The following PACSIN2 variants were observed in gnomAD, a reference collection of about 807,000 sequenced individuals.
PACSIN2 encodes the protein protein kinase C and casein kinase substrate in neurons 2.
In PACSIN2, 25 loss-of-function variants were observed where a neutral mutation model predicts 63.8. The observed-to-expected ratio is 0.39, with a 90% CI of 0.29 to 0.55. The LOEUF is 0.55. PACSIN2 is among the 20% of genes least tolerant of loss of function. The probability of loss-of-function intolerance (pLI) is 0.62; values close to 1 mark genes in which losing one functional copy is unlikely to be tolerated. For synonymous variants in PACSIN2, 255 were observed against 256.2 expected (o/e 1.00, Z 0.05); for missense variants, 518 against 646.9 (o/e 0.80, Z 2.16).
chr22:43,011,643 G>A (rs1240588710), intron 1 of PACSIN2, among the ~76,000 whole-genome samples: 1 of 152,204 alleles, frequency 6.6e-6, no homozygotes, highest in African/African-American at 2.4e-5. Context: ...CTGCGAGGCC[G>A]AGGCGGGCAG....
chr22:42,961,052 G>A (rs539784414), intron 1 of PACSIN2, among the ~76,000 whole-genome samples: 1 of 152,196 alleles, frequency 6.6e-6, no homozygotes, highest in Admixed American at 6.5e-5. Flanking sequence ...AATGGCCAGG[G>A]CAGGGCCAGT....
chr22:42,949,238 AATGACACATTGTATGTGAG>A (rs2146823168), intron 1 of PACSIN2, among the ~76,000 whole-genome samples: 1 of 152,312 alleles, frequency 6.6e-6, no homozygotes, highest in South Asian at 2.1e-4. Flanking sequence ...TAGGAATTTA[AATGACACATTGTATGTGAG>A]TGCCTGAAAA....
chr22:42,919,788 A>AG (rs1932055223), intron 1 of PACSIN2, among the ~76,000 whole-genome samples: 1 of 140,998 alleles, frequency 7.1e-6, no homozygotes, highest in East Asian at 2.0e-4. Flanking sequence ...AAAAAAAAAA[A>AG]AAAAAAAAAG....
At chr22:42,912,941 G>A (rs1461749624) in intron 1 of PACSIN2, among the ~76,000 whole-genome samples, 1 of 152,152 alleles carries the variant, frequency 6.6e-6, no homozygotes, top group Admixed American at 6.5e-5. Context: ...AACAGGAAGG[G>A]GTGAGACAGA....
intron 1 of PACSIN2, among the ~76,000 whole-genome samples, chr22:42,980,558 T>C (rs973842813): frequency 7.6e-6 from 1 of 131,392 alleles, no homozygotes; most frequent in African/African-American, 2.9e-5. Context: ...ACGGTACTGC[T>C]GCCATCTCGG....
At chr22:42,903,448 AC>A (rs1014428185) in intron 2 of PACSIN2, among the ~76,000 whole-genome samples, 16 of 152,290 alleles carry the variant, frequency 1.1e-4, no homozygotes, top group African/African-American at 1.9e-4. Flanking sequence ...CCAAAGAGTA[AC>A]AGGGGTCCTT....
At chr22:42,940,429 G>A (rs146357529) in intron 1 of PACSIN2, among the ~76,000 whole-genome samples, 33 of 152,194 alleles carry the variant, frequency 2.2e-4, no homozygotes, top group East Asian at 1.9e-3. Context: ...ACAGGAATAC[G>A]GATTACACCA....
At chr22:42,936,737 C>A (rs1932930812) in intron 1 of PACSIN2, among the ~76,000 whole-genome samples, 1 of 152,094 alleles carries the variant, frequency 6.6e-6, no homozygotes, top group Admixed American at 6.5e-5. Flanking sequence ...ATGGTGAAAC[C>A]CCATCTCCAC....
intron 1 of PACSIN2, among the ~76,000 whole-genome samples, chr22:42,914,199 C>T (rs566427869): frequency 1.3e-5 from 2 of 152,166 alleles, no homozygotes; most frequent in Non-Finnish European, 2.9e-5. Flanking sequence ...AGAGGCTGGA[C>T]AGGCCACCTG....
At chr22:42,989,870 ATAT>A (rs766750375) in intron 1 of PACSIN2, among the ~76,000 whole-genome samples, 6,155 of 55,856 alleles carry the variant, frequency 0.11, 130 homozygotes, top group Non-Finnish European at 0.12. Flanking sequence ...AAAAAAAAAT[ATAT>A]ATATATATAT....
intron 1 of PACSIN2, among the ~76,000 whole-genome samples, chr22:42,975,007 G>A (rs1017549856): frequency 3.9e-5 from 6 of 152,144 alleles, no homozygotes; most frequent in African/African-American, 1.4e-4. Context: ...TAGAATGTGG[G>A]TCAGGGAGAG....
intron 2 of PACSIN2, among the ~76,000 whole-genome samples, chr22:42,899,652 G>A (rs554401852): frequency 9.2e-5 from 14 of 152,330 alleles, no homozygotes; most frequent in Non-Finnish European, 1.6e-4. Flanking sequence ...CATAAAGCAT[G>A]CAAGTGCCCT....
intron 1 of PACSIN2, among the ~76,000 whole-genome samples, chr22:42,972,758 T>TC (rs1397319052): frequency 6.6e-6 from 1 of 152,082 alleles, no homozygotes; most frequent in Non-Finnish European, 1.5e-5. Flanking sequence ...CTTTTTTTTT[T>TC]CTTATGTTGC....
intron 10 of PACSIN2, among the ~76,000 whole-genome samples, chr22:42,874,020 C>A (rs144399384): frequency 3.3e-5 from 5 of 152,226 alleles, no homozygotes; most frequent in African/African-American, 1.2e-4. Context: ...AAACTCCTGA[C>A]CTCAAGTGAT....
At chr22:42,979,547 A>G (rs1277475833) in intron 1 of PACSIN2, among the ~76,000 whole-genome samples, 3 of 149,526 alleles carry the variant, frequency 2.0e-5, no homozygotes, top group Non-Finnish European at 4.4e-5. Context: ...AAAAAAAAGG[A>G]AAGAAAAGAA....
intron 1 of PACSIN2, among the ~76,000 whole-genome samples, chr22:42,983,499 A>AAAAAC (rs576865452): frequency 1.3e-4 from 19 of 145,908 alleles, no homozygotes; most frequent in African/African-American, 3.5e-4. Flanking sequence ...CAAAAAAAAA[A>AAAAAC]AAAAAAAAAC....
At position 42,886,612 on chromosome 22, in the gene PACSIN2, C is replaced by T. The variant is rs539231184; in HGVS notation, c.609+2031G>A. Among the ~76,000 whole-genome samples the T allele has an allele frequency of 2.0e-5, 3 of 152,192 alleles. No homozygotes were observed. In the South Asian group the frequency reaches 6.2e-4, roughly 32 times the overall value. On this transcript the variant is annotated intron_variant, in intron 5 of 10. Coordinates refer to ENST00000263246, the MANE Select transcript of PACSIN2 (RefSeq NM_001184970.3). Reference sequence around the variant, plus strand: ...TCCAAAGTAGCTGGGACTACAGGCACGTGCTACCACACCCAACTAAGTTTT... The same window carrying T: ...TCCAAAGTAGCTGGGACTACAGGCATGTGCTACCACACCCAACTAAGTTTT...
At position 42,891,090 on chromosome 22, in the gene PACSIN2, G is replaced by A; in HGVS notation, c.310C>T (p.Leu104=). Reference sequence around the variant, plus strand: ...ATCTTCTCGAAGTCATCGTTCATCAGTGAGGCCTTCACCTCGAGGTGCAGC... The same window carrying A: ...ATCTTCTCGAAGTCATCGTTCATCAATGAGGCCTTCACCTCGAGGTGCAGC... The part of the protein sequence containing the change: ...SELHLEVKAS[L]MNDDFEKIKN... Residue 104 remains leucine, a synonymous_variant, in exon 4 of 11, where the codon CTG becomes TTG. Transcript: ENST00000263246. 1.9e-6 allele frequency: 3 copies of A among 1,614,156 alleles called. No individual in the cohort carries two copies. Among genetic ancestry groups the A allele is most frequent in the Non-Finnish European group, 1.7e-6 (2 of 1,179,990 alleles).
rs370599916 is a variant in PACSIN2, at chr22:42,927,902, G to A, written c.-77-15745C>T. Among the ~76,000 whole-genome samples the A allele has an allele frequency of 4.6e-5, 7 of 152,112 alleles. No individual in the cohort carries two copies. The East Asian group carries it at 9.6e-4, about 21-fold the overall frequency. The stretch of plus-strand genomic sequence containing the variant: ...GTGCCCGGCCTCAGTCATTTTTAAT[G>A]GCTGTAAAACGTCATGTCATGGTCC... On this transcript the variant is annotated intron_variant, in intron 1 of 10. Transcript: ENST00000263246.
Sources: gnomAD v4.1 joint callset for allele counts (sites outside exome capture counted in the v4.1 genomes callset) on GRCh38, gnomAD v4.1.1 for gene constraint, MANE v1.5 for transcripts, NCBI Gene and HGNC (gene_info 2026-07-23, HGNC 2026-07-21) for gene names.